The following UGT2A1 variants were observed in gnomAD, a reference collection of about 807,000 sequenced individuals.
The protein encoded by UGT2A1 is UDP glucuronosyltransferase family 2 member A1 complex locus.
In UGT2A1, 61 loss-of-function variants were observed where a neutral mutation model predicts 45.4. That is an observed-to-expected ratio of 1.34 (90% CI 1.09 to 1.66). The LOEUF (loss-of-function observed/expected upper bound fraction) is 1.66. Ranked by LOEUF, UGT2A1 falls within the 40% of genes most tolerant of loss-of-function variation. The probability of loss-of-function intolerance (pLI) is 0.00; values close to 1 mark genes in which losing one functional copy is unlikely to be tolerated. For synonymous variants in UGT2A1, 229 were observed against 196.2 expected (o/e 1.17, Z -1.40); for missense variants, 649 against 574.3 (o/e 1.13, Z -1.33).
intron 3 of UGT2A1, among the ~76,000 whole-genome samples, chr4:69,619,350 C>T (rs1720603005): frequency 6.6e-6 from 1 of 151,740 alleles, no homozygotes; most frequent in Non-Finnish European, 1.5e-5. Flanking sequence ...AGTGAGCCAA[C>T]ATCAGTGGCA....
rs11441625 is a variant in UGT2A1 at position 69,628,283 on chromosome 4, C to CAA, written c.847+7406_847+7407dup. Among the ~76,000 whole-genome samples, 6 of 151,330 alleles carry CAA rather than the reference C, an allele frequency of 4.0e-5. No homozygotes were observed. The East Asian group carries it at 5.8e-4, about 15-fold the overall frequency. ...CAAAACCAAAATTTATATGGAGCCACAAAAAAACAAATATTCAAAGCAACT... is the reference window on the plus strand; with the variant it reads ...CAAAACCAAAATTTATATGGAGCCACAAAAAAAAACAAATATTCAAAGCAACT... On this transcript the variant is annotated intron_variant, in intron 3 of 6. Coordinates refer to ENST00000286604, the MANE Select transcript of UGT2A1 (RefSeq NM_001252275.3).
At chr4:69,635,187 G>A (rs935240650) in intron 3 of UGT2A1, among the ~76,000 whole-genome samples, 2 of 152,010 alleles carry the variant, frequency 1.3e-5, no homozygotes, top group Admixed American at 6.6e-5. Flanking sequence ...AATATTAAAT[G>A]TCAAAAAATA....
intron 2 of UGT2A1, among the ~76,000 whole-genome samples, chr4:69,645,102 A>G (rs1176980855): frequency 6.6e-6 from 1 of 151,712 alleles, no homozygotes; most frequent in East Asian, 1.9e-4. Flanking sequence ...TAGGCCTTAC[A>G]AGCTCTGCTT....
rs1042667647 is a variant in UGT2A1 at position 69,604,701 on chromosome 4, G to A, written c.848-5307C>T. On this transcript the variant is annotated intron_variant, in intron 3 of 6. Transcript: ENST00000286604. ...ATCTCACGTGAAGAGACACACATAGGCTCAAAATAAAGTGATGGAGGAAGA... is the reference window on the plus strand; with the variant it reads ...ATCTCACGTGAAGAGACACACATAGACTCAAAATAAAGTGATGGAGGAAGA... Among the ~76,000 whole-genome samples the A allele has an allele frequency of 2.2e-5, 3 of 136,498 alleles. 1 individual carries two copies. Among genetic ancestry groups the A allele is most frequent in the African/African-American group, 8.9e-5 (3 of 33,604 alleles). The allele number at this position is 136,498 out of a possible 152,430, so 89.5% of individuals were successfully genotyped here. A position where few individuals can be genotyped will look rare whatever the true frequency, so the allele number is the denominator to read the frequency against.
At chr4:69,621,612 A>T (rs1300792522) in intron 3 of UGT2A1, among the ~76,000 whole-genome samples, 1 of 151,950 alleles carries the variant, frequency 6.6e-6, no homozygotes, top group Non-Finnish European at 1.5e-5. Context: ...AAAGCCTTAA[A>T]AACAGAACTA....
chr4:69,614,062 C>A (rs946104667), intron 3 of UGT2A1, among the ~76,000 whole-genome samples: 2 of 151,728 alleles, frequency 1.3e-5, no homozygotes, highest in Non-Finnish European at 2.9e-5. Flanking sequence ...AAAATATGAT[C>A]TTGTATCTAG....
chr4:69,600,272 GAGC>G (rs1434692152), intron 3 of UGT2A1, among the ~76,000 whole-genome samples: 1 of 152,166 alleles, frequency 6.6e-6, no homozygotes, highest in Non-Finnish European at 1.5e-5. Context: ...ACATGAGAAA[GAGC>G]AGCATCTGGA....
chr4:69,596,156 T>G, intron 4 of UGT2A1: 10 of 1,361,246 alleles, frequency 7.3e-6, no homozygotes, highest in Non-Finnish European at 6.7e-6. Context: ...CAGTGTATAA[T>G]GAGTTTTGAT....
At chr4:69,613,674 T>C (rs1180581402) in intron 3 of UGT2A1, among the ~76,000 whole-genome samples, 3 of 151,970 alleles carry the variant, frequency 2.0e-5, no homozygotes, top group Non-Finnish European at 4.4e-5. Flanking sequence ...TTTCAACATA[T>C]GCAAATCAAT....
intron 3 of UGT2A1, among the ~76,000 whole-genome samples, chr4:69,603,182 C>A (rs1365742181): frequency 7.3e-6 from 1 of 136,166 alleles, no homozygotes; most frequent in Admixed American, 7.2e-5. Flanking sequence ...AAAATCCATA[C>A]GGAAAAGCAA....
At chr4:69,615,331 C>A (rs1370346283) in intron 3 of UGT2A1, among the ~76,000 whole-genome samples, 1 of 151,948 alleles carries the variant, frequency 6.6e-6, no homozygotes, top group Non-Finnish European at 1.5e-5. Flanking sequence ...AATAAGACCT[C>A]AGAAGCACAG....
intron 2 of UGT2A1, among the ~76,000 whole-genome samples, chr4:69,643,928 A>G (rs1229693511): frequency 4.6e-5 from 7 of 151,618 alleles, no homozygotes; most frequent in Admixed American, 4.6e-4. Flanking sequence ...CTACATCCAC[A>G]AAGACTTGCA....
chr4:69,599,153 C>A, intron 4 of UGT2A1, 93 bp downstream of exon 4: 3 of 1,443,056 alleles, frequency 2.1e-6, no homozygotes, highest in Non-Finnish European at 1.8e-6. Context: ...AAATGTCCAG[C>A]AGCATTTATT....
At chr4:69,592,135 G>T (rs1026856396) in intron 6 of UGT2A1, among the ~76,000 whole-genome samples, 3 of 152,118 alleles carry the variant, frequency 2.0e-5, no homozygotes, top group African/African-American at 7.2e-5. Context: ...TCACTGAATA[G>T]ATGTTTTTAA....
rs188170701 is a variant in UGT2A1 at position 69,646,354 on chromosome 4, A to G, written c.715+576T>C. Among the ~76,000 whole-genome samples the G allele has an allele frequency of 3.4e-3, 513 of 151,998 alleles. 2 individuals are homozygous for G. The highest frequency in any genetic ancestry group is 5.2e-3 in the Admixed American group (79 of 15,222). On this transcript the variant is annotated intron_variant, in intron 2 of 6. Coordinates refer to ENST00000286604, the MANE Select transcript of UGT2A1 (RefSeq NM_001252275.3). ...TGATTATATTGTATTCATCAGGTAAACACCATATCACACTTAAGCAAATTA... is the reference window on the plus strand; with the variant it reads ...TGATTATATTGTATTCATCAGGTAAGCACCATATCACACTTAAGCAAATTA...
intron 3 of UGT2A1, among the ~76,000 whole-genome samples, chr4:69,620,820 A>G (rs1386831484): frequency 1.3e-5 from 2 of 151,750 alleles, no homozygotes; most frequent in Non-Finnish European, 2.9e-5. Flanking sequence ...CAGAATAGAG[A>G]GCTCATAAAT....
chr4:69,628,629 G>T (rs923515733), intron 3 of UGT2A1, among the ~76,000 whole-genome samples: 1 of 150,182 alleles, frequency 6.7e-6, no homozygotes, highest in Non-Finnish European at 1.5e-5. Context: ...TTAGAAAACA[G>T]AACTTTTTTG....
rs10649712 is a variant in UGT2A1, at chr4:69,652,282, C to CTTTT, written c.-55+902_-55+905dup. 4.6e-3 allele frequency among the ~76,000 whole-genome samples: 551 copies of CTTTT among 119,938 alleles called. 15 individuals carry two copies. Among genetic ancestry groups the CTTTT allele is most frequent in the African/African-American group, 9.5e-3 (295 of 31,206 alleles). 78.7% of individuals were successfully genotyped at this position (119,938 alleles called of 152,430 possible). A position where few individuals can be genotyped will look rare whatever the true frequency, so the allele number is the denominator to read the frequency against. On this transcript the variant is annotated intron_variant, in intron 1 of 6. Coordinates refer to ENST00000286604, the MANE Select transcript of UGT2A1 (RefSeq NM_001252275.3). ...ATTTTCTTTAGAAAAACTTTATGTC[C>CTTTT]TTTTTTTTTTTTTTTTTTGAGACCA...
At chr4:69,616,275 G>C (rs1720377395) in intron 3 of UGT2A1, among the ~76,000 whole-genome samples, 1 of 151,790 alleles carries the variant, frequency 6.6e-6, no homozygotes, top group South Asian at 2.1e-4. Context: ...ATGATTAATA[G>C]CTACAAAAAT....
Sources: allele counts gnomAD v4.1 joint callset (sites outside exome capture counted in the v4.1 genomes callset), GRCh38; gene constraint gnomAD v4.1.1; transcripts MANE v1.5; gene names NCBI Gene and HGNC (gene_info 2026-07-23, HGNC 2026-07-21).